The following MTMR7 variants were observed in gnomAD, a reference collection of about 807,000 sequenced individuals.
MTMR7 encodes the protein phosphatidylinositol-3-phosphate phosphatase MTMR7.
MTMR7 carries 76 observed loss-of-function variants against 81.2 expected under a neutral mutation model. That is an observed-to-expected ratio of 0.94 (90% confidence interval 0.78 to 1.13). The LOEUF is 1.13. Ranked by LOEUF, MTMR7 falls within the 50% of genes most tolerant of loss-of-function variation. The pLI is 0.00. For missense variants in MTMR7, 1,044 were observed against 820.0 expected (o/e 1.27, Z -3.34); for synonymous variants, 372 against 289.8 (o/e 1.28, Z -2.88).
chr8:17,409,381 A>G (rs1318369385), intron 1 of MTMR7, among the ~76,000 whole-genome samples: 1 of 152,086 alleles, frequency 6.6e-6, no homozygotes, highest in Admixed American at 6.6e-5. Context: ...AATCACCTGA[A>G]CCCAGGAGAT....
intron 1 of MTMR7, among the ~76,000 whole-genome samples, chr8:17,409,636 G>C (rs1265353439): frequency 6.6e-6 from 1 of 152,068 alleles, no homozygotes; most frequent in Non-Finnish European, 1.5e-5. Flanking sequence ...ATCAAGCAGG[G>C]GAGCTTGACA....
chr8:17,302,087 T>C, intron 13 of MTMR7, 67 bp downstream of exon 13: 1 of 1,600,922 alleles, frequency 6.2e-7, no homozygotes, highest in Non-Finnish European at 8.5e-7. Flanking sequence ...CTTAAGAGGC[T>C]TTCATGAAGC....
At chr8:17,385,034 A>G (rs1452051991) in intron 1 of MTMR7, among the ~76,000 whole-genome samples, 1 of 152,228 alleles carries the variant, frequency 6.6e-6, no homozygotes, top group Non-Finnish European at 1.5e-5. Context: ...ACACAGGGAT[A>G]TATCTGGGAG....
At chr8:17,400,409 T>A (rs957487346) in intron 1 of MTMR7, among the ~76,000 whole-genome samples, 2 of 152,048 alleles carry the variant, frequency 1.3e-5, no homozygotes, top group Admixed American at 1.3e-4. Context: ...GGCCCCAGAG[T>A]GTGTGTTCTT....
At chr8:17,345,326 C>A (rs1346443749) in intron 5 of MTMR7, among the ~76,000 whole-genome samples, 2 of 152,208 alleles carry the variant, frequency 1.3e-5, no homozygotes, top group Non-Finnish European at 2.9e-5. Flanking sequence ...GGTTTTAGTT[C>A]CCTGCCAGTC....
chr8:17,350,988 A>G (rs958430108), intron 4 of MTMR7, among the ~76,000 whole-genome samples: 1 of 152,322 alleles, frequency 6.6e-6, no homozygotes, highest in Non-Finnish European at 1.5e-5. Flanking sequence ...GAAGACTGCC[A>G]TAAAACACGG....
chr8:17,340,647 G>A (rs1464368516), intron 6 of MTMR7, among the ~76,000 whole-genome samples: 1 of 152,204 alleles, frequency 6.6e-6, no homozygotes, highest in African/African-American at 2.4e-5. Flanking sequence ...TAAGATCAAT[G>A]TGGCTCACTC....
At chr8:17,308,002 C>G (rs1273156445) in intron 10 of MTMR7, among the ~76,000 whole-genome samples, 1 of 151,306 alleles carries the variant, frequency 6.6e-6, no homozygotes. Flanking sequence ...CAAACCTGCA[C>G]GTTGTGCACA....
intron 5 of MTMR7, 113 bp downstream of exon 5, chr8:17,348,840 C>T: frequency 7.7e-7 from 1 of 1,303,574 alleles, no homozygotes; most frequent in Non-Finnish European, 1.1e-6. Context: ...ATCCACATAC[C>T]TTCTGAAGAA....
intron 11 of MTMR7, 111 bp downstream of exon 11, chr8:17,305,646 G>T: frequency 1.2e-6 from 1 of 842,672 alleles, no homozygotes; most frequent in Non-Finnish European, 1.9e-6. Flanking sequence ...TGTCAGTATA[G>T]GTATGTGACT....
intron 4 of MTMR7, among the ~76,000 whole-genome samples, chr8:17,352,139 C>T (rs959479492): frequency 2.0e-5 from 3 of 152,046 alleles, no homozygotes; most frequent in South Asian, 2.1e-4. Flanking sequence ...TAGCAAAAAA[C>T]GATTTTGAAA....
intron 1 of MTMR7, among the ~76,000 whole-genome samples, chr8:17,399,327 G>C (rs542331197): frequency 1.3e-5 from 2 of 152,142 alleles, no homozygotes; most frequent in East Asian, 1.9e-4. Flanking sequence ...TAGCGTTCAT[G>C]TATGCCAACA....
rs1258391308 is a variant in MTMR7 at position 17,411,907 on chromosome 8, CTCCCT to C, written c.24+1357_24+1361del. On this transcript the variant is annotated intron_variant, in intron 1 of 13. Coordinates refer to ENST00000180173, the MANE Select transcript of MTMR7 (RefSeq NM_004686.5). Reference sequence around the variant, plus strand: ...CAACAGCTATCACTTTTACAAACGGCTCCCTTCATCATGGAAGGAGGAAGAATGCC... The same window carrying C: ...CAACAGCTATCACTTTTACAAACGGCTCATCATGGAAGGAGGAAGAATGCC... Among the ~76,000 whole-genome samples the C allele has an allele frequency of 3.9e-5, 6 of 152,230 alleles. No homozygotes were observed. The East Asian group carries it at 1.2e-3, about 29-fold the overall frequency.
chr8:17,405,600 C>G (rs1336381394), intron 1 of MTMR7, among the ~76,000 whole-genome samples: 1 of 152,102 alleles, frequency 6.6e-6, no homozygotes, highest in Non-Finnish European at 1.5e-5. Flanking sequence ...AAGGAAGAAG[C>G]TATTCCTCTC....
At chr8:17,354,806 A>C (rs1819839197) in intron 4 of MTMR7, among the ~76,000 whole-genome samples, 1 of 152,288 alleles carries the variant, frequency 6.6e-6, no homozygotes, top group South Asian at 2.1e-4. Context: ...ATTAGTCAAA[A>C]ATTTTCTGAA....
chr8:17,367,576 A>G (rs1048992007), intron 3 of MTMR7, among the ~76,000 whole-genome samples: 1 of 152,252 alleles, frequency 6.6e-6, no homozygotes, highest in Non-Finnish European at 1.5e-5. Context: ...GATCTTCTAC[A>G]GTCTGTGACC....
At chr8:17,357,436 A>G (rs995832104) in intron 4 of MTMR7, among the ~76,000 whole-genome samples, 7 of 152,238 alleles carry the variant, frequency 4.6e-5, no homozygotes, top group Admixed American at 3.3e-4. Flanking sequence ...CAGACCAAGT[A>G]CAGACAGTAT....
At chr8:17,337,174 C>A (rs1819267001) in intron 6 of MTMR7, among the ~76,000 whole-genome samples, 1 of 152,196 alleles carries the variant, frequency 6.6e-6, no homozygotes, top group South Asian at 2.1e-4. Context: ...GAGTTCGAGA[C>A]CAGCCTGGTG....
intron 1 of MTMR7, among the ~76,000 whole-genome samples, chr8:17,384,443 AC>A (rs1403699189): frequency 6.6e-6 from 1 of 152,122 alleles, no homozygotes; most frequent in East Asian, 1.9e-4. Context: ...TTATTAACAA[AC>A]ATATCCATAA....
Sources: allele counts gnomAD v4.1 joint callset (sites outside exome capture counted in the v4.1 genomes callset), GRCh38; gene constraint gnomAD v4.1.1; transcripts MANE v1.5; gene names NCBI Gene and HGNC (gene_info 2026-07-23, HGNC 2026-07-21).